Variants in ZNF211 observed in about 807,000 individuals in gnomAD.
The protein encoded by ZNF211 is zinc finger protein 211, also known as zinc finger protein C2H2-25.
A neutral mutation model predicts 12.1 loss-of-function variants in ZNF211; 18 were observed. The observed-to-expected ratio is 1.48, with a 90% CI of 1.03 to 2.20. The LOEUF is 2.20. Ranked by LOEUF, ZNF211 falls within the 30% of genes most tolerant of loss-of-function variation. The probability of loss-of-function intolerance (pLI) is 0.00; values close to 1 mark genes in which losing one functional copy is unlikely to be tolerated. For missense variants in ZNF211, 677 were observed against 703.1 expected (o/e 0.96, Z 0.42); for synonymous variants, 249 against 246.0 (o/e 1.01, Z -0.11).
intron 3 of ZNF211, among the ~76,000 whole-genome samples, chr19:57,635,772 A>G (rs191923398): frequency 1.3e-5 from 2 of 152,170 alleles, no homozygotes; most frequent in African/African-American, 4.8e-5. Context: ...TTTCTGGATC[A>G]TAAGGTAATT....
rs1351502952 is a variant in ZNF211, at chr19:57,633,291, A to C, written c.-56A>C. 1 of 1,445,494 alleles carries C rather than the reference A, an allele frequency of 6.9e-7. No individual in the cohort carries two copies. Among genetic ancestry groups the C allele is most frequent in the Non-Finnish European group, 9.2e-7 (1 of 1,086,154 alleles). 89.5% of individuals were successfully genotyped at this position (1,445,494 alleles called of 1,614,324 possible). ...AAGTGACGGACCGTGAAGGCGCGAG[A>C]GTCAGGTCTGAGGGTCGGGGGCAGA... On this transcript the variant is annotated 5_prime_UTR_variant, in exon 1 of 4. Transcript: ENST00000240731.
chr19:57,640,711 G>C lies in ZNF211; in HGVS notation c.264G>C (p.Trp88Cys), dbSNP rs768824778. The C allele has an allele frequency of 2.5e-6, 4 of 1,613,458 alleles. No homozygotes were observed. Among genetic ancestry groups the C allele is most frequent in the East Asian group, 2.2e-5 (1 of 44,874 alleles). Reference protein sequence around the residue: ...NFALTSSLGCWCGVEHEETPS... With the variant: ...NFALTSSLGCCCGVEHEETPS... The stretch of plus-strand genomic sequence containing the variant: ...TGATCTCTTTACTTTTAGGTTGTTG[G>C]TGTGGAGTGGAACATGAGGAAACAC... The change falls in exon 4 of 4, where the codon TGG (tryptophan) becomes TGC (cysteine). Residue 88 changes from tryptophan (W) to cysteine (C), a missense_variant. Physicochemically the swap from Trp to Cys is radical, Grantham distance 215. Coordinates refer to ENST00000240731, the MANE Select transcript of ZNF211 (RefSeq NM_006385.5).
intron 3 of ZNF211, among the ~76,000 whole-genome samples, chr19:57,636,417 T>A (rs1290857967): frequency 7.4e-6 from 1 of 135,560 alleles, no homozygotes; most frequent in African/African-American, 2.9e-5. Context: ...ATATGTGGTG[T>A]CAGGTAAGGG....
rs1162575595 is a variant in ZNF211 at position 57,640,903 on chromosome 19, A to C, written c.456A>C (p.Thr152=). ...CAAACTGCGGGCAGAAACTACACACATGTGGAAAACAATTCTACATCAGTG... is the reference window on the plus strand; with the variant it reads ...CAAACTGCGGGCAGAAACTACACACCTGTGGAAAACAATTCTACATCAGTG... ...QGTNCGQKLH[T]CGKQFYISAN... is the part of the protein sequence containing the mutation. Residue 152 remains threonine (T), a synonymous_variant, in exon 4 of 4, where the codon ACA becomes ACC. Transcript: ENST00000240731. 3 of 1,614,250 alleles carry C rather than the reference A, an allele frequency of 1.9e-6. No homozygotes were observed. Among genetic ancestry groups the C allele is most frequent in the East Asian group, 4.5e-5 (2 of 44,892 alleles).
At chr19:57,640,134 C>T in intron 3 of ZNF211, 2 of 1,463,654 alleles carry the variant, frequency 1.4e-6, no homozygotes, top group Non-Finnish European at 1.8e-6. Flanking sequence ...GCCAGAGACA[C>T]TTCACTTCGA....
chr19:57,638,382 T>G (rs1982413631), intron 3 of ZNF211, among the ~76,000 whole-genome samples: 1 of 152,182 alleles, frequency 6.6e-6, no homozygotes, highest in African/African-American at 2.4e-5. Flanking sequence ...AAAAATAGAT[T>G]GTTGAGTTGA....
intron 3 of ZNF211, among the ~76,000 whole-genome samples, chr19:57,638,581 G>A (rs1982434908): frequency 6.6e-6 from 1 of 152,110 alleles, no homozygotes; most frequent in South Asian, 2.1e-4. Flanking sequence ...ATCCCACTGT[G>A]GTTGGAGAAG....
rs1245145287 is a variant in ZNF211, at chr19:57,643,514, TC to T, written c.*1335del. ...AGAAAGAAGGGGCGGGGGATGTCCT[TC>T]CAGGAATGTGACTTTGTAACCTACC... On this transcript the variant is annotated 3_prime_UTR_variant, in exon 4 of 4. Transcript: ENST00000240731. Among the ~76,000 whole-genome samples the T allele has an allele frequency of 6.6e-6, 1 of 152,168 alleles. No individual in the cohort carries two copies. The highest frequency in any genetic ancestry group is 1.5e-5 in the Non-Finnish European group (1 of 68,016).
rs1299098104 is a variant in ZNF211 at position 57,643,309 on chromosome 19, C to T, written c.*1128C>T. ...TGGAATGTGCTCCTTGTAATATGTTCTAGTAATTGTGCAGGATCAGTGTGT... is the reference window on the plus strand; with the variant it reads ...TGGAATGTGCTCCTTGTAATATGTTTTAGTAATTGTGCAGGATCAGTGTGT... On this transcript the variant is annotated 3_prime_UTR_variant, in exon 4 of 4. Coordinates refer to ENST00000240731, the MANE Select transcript of ZNF211 (RefSeq NM_006385.5). Among the ~76,000 whole-genome samples, 1 of 151,882 alleles carries T rather than the reference C, an allele frequency of 6.6e-6. No individual in the cohort carries two copies. The highest frequency in any genetic ancestry group is 1.5e-5 in the Non-Finnish European group (1 of 67,992).
Position 57,642,199 on chromosome 19 carries a change from A to G in ZNF211, c.*18A>G, listed in dbSNP as rs774494398. The G allele has an allele frequency of 1.3e-6, 2 of 1,569,086 alleles. No homozygotes were observed. The highest frequency in any genetic ancestry group is 3.7e-5 in the Admixed American group (2 of 53,920). ...AGCCTTAGCTGTACTGAGAATATGC[A>G]ATTTCCTTTTAGTGTAATTATACTG... On this transcript the variant is annotated 3_prime_UTR_variant, in exon 4 of 4. Coordinates refer to ENST00000240731, the MANE Select transcript of ZNF211 (RefSeq NM_006385.5).
At chr19:57,634,826 C>T in intron 3 of ZNF211, 71 bp downstream of exon 3, 2 of 1,440,354 alleles carry the variant, frequency 1.4e-6, no homozygotes, top group Non-Finnish European at 1.8e-6. Flanking sequence ...AGGAGCAGCT[C>T]TGTCCTCATA....
intron 3 of ZNF211, among the ~76,000 whole-genome samples, chr19:57,637,487 G>A (rs12610072): frequency 2.0e-5 from 3 of 151,840 alleles, no homozygotes; most frequent in African/African-American, 4.8e-5. Context: ...GCTCCTGGCC[G>A]CAAGCGATCC....
At chr19:57,634,500 G>C in intron 2 of ZNF211, 129 bp from the exon 3 acceptor site, 1 of 1,112,646 alleles carries the variant, frequency 9.0e-7, no homozygotes, top group South Asian at 2.1e-5. Context: ...GAGACAGCAG[G>C]GATCAATGAC....
At chr19:57,634,581 C>T (rs777051854) in intron 2 of ZNF211, 48 bp from the exon 3 acceptor site, 3 of 1,480,864 alleles carry the variant, frequency 2.0e-6, no homozygotes, top group Non-Finnish European at 1.8e-6. Context: ...GATTTTGAGT[C>T]TTCCAAATTG....
At chr19:57,639,875 C>A in intron 3 of ZNF211, 1 of 1,504,868 alleles carries the variant, frequency 6.6e-7, no homozygotes, top group Non-Finnish European at 8.8e-7. Context: ...TGTTCTGGGC[C>A]AGTGTTAGTT....
rs987074112 is a variant in ZNF211, at chr19:57,643,489, A to G, written c.*1308A>G. 6.6e-6 allele frequency among the ~76,000 whole-genome samples: 1 copy of G among 152,204 alleles called. No individual in the cohort carries two copies. The highest frequency in any genetic ancestry group is 2.4e-5 in the African/African-American group (1 of 41,456). On this transcript the variant is annotated 3_prime_UTR_variant, in exon 4 of 4. Coordinates refer to ENST00000240731, the MANE Select transcript of ZNF211 (RefSeq NM_006385.5). ...CTGCATAGGCCAGGAAAACAAGCATAGAAAGAAGGGGCGGGGGATGTCCTT... is the reference window on the plus strand; with the variant it reads ...CTGCATAGGCCAGGAAAACAAGCATGGAAAGAAGGGGCGGGGGATGTCCTT...
intron 3 of ZNF211, among the ~76,000 whole-genome samples, chr19:57,638,723 A>G (rs1326770396): frequency 6.6e-6 from 1 of 152,142 alleles, no homozygotes; most frequent in African/African-American, 2.4e-5. Context: ...TATATTTGTT[A>G]GAGCTAGTTG....
chr19:57,633,469 C>T (rs773194514), intron 1 of ZNF211, 33 bp downstream of exon 1: 10 of 1,565,978 alleles, frequency 6.4e-6, no homozygotes, highest in African/African-American at 5.4e-5. Context: ...CTCCCCCGGC[C>T]GAGATTCTTA....
chr19:57,633,356 T>C lies in ZNF211; in HGVS notation c.10T>C (p.Phe4Leu), dbSNP rs1446702552. Reference sequence around the variant, plus strand: ...CGGCCTGGGGATAGCGATGCTCGGGTTCCCCCCGGGTCGCCCGCAGCTCCC... The same window carrying C: ...CGGCCTGGGGATAGCGATGCTCGGGCTCCCCCCGGGTCGCCCGCAGCTCCC... MLG[F>L]PPGRPQLPVQ... is the part of the protein sequence containing the mutation. Residue 4 changes from phenylalanine to leucine, a missense_variant, in exon 1 of 4, where the codon TTC (phenylalanine) becomes CTC (leucine). Phe to Leu is a conservative substitution (Grantham distance 22). Transcript: ENST00000240731. 3.8e-6 allele frequency: 6 copies of C among 1,593,212 alleles called. No homozygotes were observed. Among genetic ancestry groups the C allele is most frequent in the Non-Finnish European group, 4.3e-6 (5 of 1,173,262 alleles).
Sources: gnomAD v4.1 joint callset for allele counts (sites outside exome capture counted in the v4.1 genomes callset) on GRCh38, gnomAD v4.1.1 for gene constraint, MANE v1.5 for transcripts, NCBI Gene and HGNC (gene_info 2026-07-23, HGNC 2026-07-21) for gene names.